Variants in AHCYL2 observed in about 807,000 individuals in gnomAD.
The protein encoded by AHCYL2 is S-adenosylhomocysteine hydrolase-like protein 2.
Under a neutral mutation model 81.4 loss-of-function variants are expected in AHCYL2, and 28 were observed. That is an observed-to-expected ratio of 0.34 (90% CI 0.25 to 0.47). AHCYL2 has a LOEUF of 0.47. AHCYL2 is among the 20% of genes least tolerant of loss of function. The probability of loss-of-function intolerance (pLI) is 1.00; values close to 1 mark genes in which losing one functional copy is unlikely to be tolerated. For synonymous variants in AHCYL2, 272 were observed against 290.2 expected, an observed-to-expected ratio of 0.94 and a Z score of 0.64; for missense variants, 551 against 785.1, an observed-to-expected ratio of 0.70 and a Z score of 3.56.
chr7:129,313,335 AG>A, intron 1 of AHCYL2, among the ~76,000 whole-genome samples: 1 of 152,338 alleles, frequency 6.6e-6, no homozygotes, highest in Middle Eastern at 3.4e-3. Context: ...AAGACAGTGA[AG>A]GAAGTTTGAA....
chr7:129,372,441 C>T (rs781678083), intron 1 of AHCYL2, among the ~76,000 whole-genome samples: 4 of 152,150 alleles, frequency 2.6e-5, no homozygotes, highest in Non-Finnish European at 5.9e-5. Flanking sequence ...TTACCTGTCT[C>T]TTCTTAAGAG....
intron 1 of AHCYL2, among the ~76,000 whole-genome samples, chr7:129,358,970 G>A (rs1429972776): frequency 6.6e-6 from 1 of 152,108 alleles, no homozygotes; most frequent in African/African-American, 2.4e-5. Context: ...CTGAACATAT[G>A]CATACTCCAT....
chr7:129,288,791 C>T (rs893770897), intron 1 of AHCYL2, among the ~76,000 whole-genome samples: 1 of 151,916 alleles, frequency 6.6e-6, no homozygotes, highest in Admixed American at 6.6e-5. Context: ...ATTTTTGAGA[C>T]AAGGCCTTGT....
intron 1 of AHCYL2, among the ~76,000 whole-genome samples, chr7:129,325,315 T>A (rs1231243154): frequency 2.6e-5 from 4 of 152,144 alleles, no homozygotes; most frequent in Non-Finnish European, 4.4e-5. Context: ...GTTAACAGGG[T>A]TTTTTCGTTT....
At chr7:129,352,937 C>CTTTTTTTTTTTTTTTTTTTTTTTTTTT (rs59762582) in intron 1 of AHCYL2, among the ~76,000 whole-genome samples, 2 of 82,556 alleles carry the variant, frequency 2.4e-5, no homozygotes, top group African/African-American at 4.5e-5. Context: ...CCTCCTCATT[C>CTTTTTTTTTTTTTTTTTTTTTTTTTTT]TTTTTTTTTT....
intron 1 of AHCYL2, among the ~76,000 whole-genome samples, chr7:129,309,994 T>C (rs543054245): frequency 6.6e-6 from 1 of 152,274 alleles, no homozygotes; most frequent in South Asian, 2.1e-4. Context: ...TCATTACATG[T>C]CTCTGTTTGA....
At chr7:129,356,117 C>G (rs533160680) in intron 1 of AHCYL2, among the ~76,000 whole-genome samples, 2 of 152,120 alleles carry the variant, frequency 1.3e-5, no homozygotes, top group Non-Finnish European at 2.9e-5. Context: ...CCTGCTAATT[C>G]TTCCTTTATA....
intron 1 of AHCYL2, among the ~76,000 whole-genome samples, chr7:129,237,078 T>C (rs1794667306): frequency 6.6e-6 from 1 of 152,204 alleles, no homozygotes; most frequent in Non-Finnish European, 1.5e-5. Context: ...TCTTGTTTCT[T>C]GTAACATTGT....
chr7:129,366,099 AT>A (rs916819880), intron 1 of AHCYL2, among the ~76,000 whole-genome samples: 2 of 151,998 alleles, frequency 1.3e-5, no homozygotes, highest in Non-Finnish European at 2.9e-5. Context: ...AGTGGGCCTT[AT>A]TTTCCCTGCA....
chr7:129,409,396 G>C, intron 10 of AHCYL2, 80 bp from the exon 11 acceptor site: 2 of 1,039,114 alleles, frequency 1.9e-6, no homozygotes, highest in Non-Finnish European at 2.9e-6. Flanking sequence ...ACAGCAACTT[G>C]ATATTAGCTT....
intron 1 of AHCYL2, among the ~76,000 whole-genome samples, chr7:129,229,562 C>T (rs1794346930): frequency 6.6e-6 from 1 of 152,230 alleles, no homozygotes; most frequent in Admixed American, 6.5e-5. Flanking sequence ...ATGTCCTTTT[C>T]ATTATGCCAC....
chr7:129,278,876 C>T (rs539361467), intron 1 of AHCYL2, among the ~76,000 whole-genome samples: 6 of 149,544 alleles, frequency 4.0e-5, no homozygotes, highest in Non-Finnish European at 5.9e-5. Context: ...CAGTTGTCTA[C>T]GGATGTGTGG....
At chr7:129,375,595 G>A in intron 1 of AHCYL2, 1 of 1,300,622 alleles carries the variant, frequency 7.7e-7, no homozygotes, top group East Asian at 3.2e-5. Flanking sequence ...ATGTAATTAG[G>A]TGTTTAGGAA....
At chr7:129,247,969 CT>C (rs1795118986) in intron 1 of AHCYL2, among the ~76,000 whole-genome samples, 1 of 152,082 alleles carries the variant, frequency 6.6e-6, no homozygotes, top group Admixed American at 6.5e-5. Context: ...ATTTTATCTC[CT>C]TTGTTTTCGT....
chr7:129,395,851 C>T (rs1178199278), intron 4 of AHCYL2, among the ~76,000 whole-genome samples: 3 of 152,202 alleles, frequency 2.0e-5, no homozygotes, highest in Non-Finnish European at 4.4e-5. Context: ...GACACACTTT[C>T]CCACACCCAG....
intron 11 of AHCYL2, among the ~76,000 whole-genome samples, chr7:129,412,545 T>G (rs1199982836): frequency 6.6e-6 from 1 of 151,890 alleles, no homozygotes. Context: ...CCTCCCGAAG[T>G]GTTAGGATTA....
At chr7:129,337,190 T>C (rs1798632351) in intron 1 of AHCYL2, among the ~76,000 whole-genome samples, 1 of 152,216 alleles carries the variant, frequency 6.6e-6, no homozygotes, top group Non-Finnish European at 1.5e-5. Flanking sequence ...CCTAAGGCTA[T>C]CACTATTACT....
chr7:129,250,185 G>T (rs1404279420), intron 1 of AHCYL2, among the ~76,000 whole-genome samples: 1 of 152,078 alleles, frequency 6.6e-6, no homozygotes, highest in Non-Finnish European at 1.5e-5. Context: ...TGTAGTCCTA[G>T]TTACCTGGGA....
At position 129,430,033 on chromosome 7, in the gene AHCYL2, ATATC is replaced by A. The variant is rs1797519778; in HGVS notation, c.*2992_*2995del. 1 of 150,680 alleles carries A rather than the reference ATATC, an allele frequency of 6.6e-6. No homozygotes were observed. 9.3% of individuals were successfully genotyped at this position (150,680 alleles called of 1,614,324 possible). The stretch of plus-strand genomic sequence containing the variant: ...ACTCTATATATACATATATATATAT[ATATC>A]TATATATCTATATACGTAATCATCT... On this transcript the variant is annotated 3_prime_UTR_variant, in exon 17 of 17. Transcript: ENST00000325006.
Sources: allele counts gnomAD v4.1 joint callset (sites outside exome capture counted in the v4.1 genomes callset), GRCh38; gene constraint gnomAD v4.1.1; transcripts MANE v1.5; gene names NCBI Gene and HGNC (gene_info 2026-07-23, HGNC 2026-07-21).